Variants in MYT1L observed in about 807,000 individuals in gnomAD.
The protein encoded by MYT1L is myelin transcription factor 1-like protein.
In MYT1L, 12 loss-of-function variants were observed where a neutral mutation model predicts 126.7. The ratio of observed to expected loss-of-function variants is 0.09; its 90% CI spans 0.06 to 0.15. The LOEUF (loss-of-function observed/expected upper bound fraction) is 0.15, where lower values mean the gene tolerates loss of function less well. MYT1L is among the 10% of genes least tolerant of loss of function. MYT1L has a pLI of 1.00. For missense variants in MYT1L, 979 were observed against 1,585.2 expected, an observed-to-expected ratio of 0.62 and a Z score of 6.49; for synonymous variants, 541 against 604.2, an observed-to-expected ratio of 0.90 and a Z score of 1.53.
chr2:2,007,374 G>A (rs1452557225), intron 4 of MYT1L, among the ~76,000 whole-genome samples: 1 of 152,110 alleles, frequency 6.6e-6, no homozygotes, highest in African/African-American at 2.4e-5. Context: ...AAGTATCTGA[G>A]ATGGGTATCA....
chr2:1,894,979 C>A (rs2049393730), intron 14 of MYT1L, among the ~76,000 whole-genome samples: 1 of 152,242 alleles, frequency 6.6e-6, no homozygotes, highest in South Asian at 2.1e-4. Context: ...AGAGCCTCGA[C>A]TGCCATCAAC....
intron 8 of MYT1L, among the ~76,000 whole-genome samples, chr2:1,967,792 G>A (rs1186877168): frequency 6.6e-6 from 1 of 152,148 alleles, no homozygotes; most frequent in African/African-American, 2.4e-5. Flanking sequence ...GAGGCCGCAG[G>A]CCCCGAGCCC....
chr2:2,056,282 G>A (rs1307910055), intron 3 of MYT1L, among the ~76,000 whole-genome samples: 2 of 152,164 alleles, frequency 1.3e-5, no homozygotes, highest in African/African-American at 4.8e-5. Flanking sequence ...CTCTCCAGGC[G>A]TGAGGACACA....
chr2:2,304,841 C>T (rs974100077), intron 1 of MYT1L, among the ~76,000 whole-genome samples: 5 of 152,184 alleles, frequency 3.3e-5, no homozygotes, highest in African/African-American at 1.2e-4. Flanking sequence ...ACTGAAAGAG[C>T]AGGCATGGCA....
At chr2:1,861,997 A>ATCTGCCTGCAGCCTGTGTC (rs1558192114) in intron 18 of MYT1L, among the ~76,000 whole-genome samples, 2 of 151,374 alleles carry the variant, frequency 1.3e-5, no homozygotes, top group Non-Finnish European at 3.0e-5. Context: ...GTAATCCTGG[A>ATCTGCCTGCAGCCTGTGTC]ATTCGCTGAG....
chr2:2,215,410 C>T (rs2093649231), intron 2 of MYT1L, among the ~76,000 whole-genome samples: 1 of 152,062 alleles, frequency 6.6e-6, no homozygotes, highest in South Asian at 2.1e-4. Flanking sequence ...TAATAACAGA[C>T]AAGGAAGCTT....
chr2:2,239,873 CTT>C (rs10540306), intron 2 of MYT1L, among the ~76,000 whole-genome samples: 8,077 of 152,262 alleles, frequency 0.053, 524 homozygotes, highest in East Asian at 0.17. Flanking sequence ...GCTCTTGAGT[CTT>C]CTCTCTGCCC....
chr2:2,198,629 C>T (rs1258940002), intron 2 of MYT1L, among the ~76,000 whole-genome samples: 1 of 151,640 alleles, frequency 6.6e-6, no homozygotes, highest in Non-Finnish European at 1.5e-5. Flanking sequence ...GAGGCCTAGG[C>T]GAGTGGATCA....
At position 2,132,206 on chromosome 2, in the gene MYT1L, C is replaced by T. The variant is rs915532984; in HGVS notation, c.-304+40666G>A. Among the ~76,000 whole-genome samples, 4 of 152,064 alleles carry T rather than the reference C, an allele frequency of 2.6e-5. No homozygotes were observed. In the South Asian group the frequency reaches 6.3e-4, roughly 24 times the overall value. Reference sequence around the variant, plus strand: ...ACAGGCATGAGCCACTGCGCCCAGCCGAGAGTTCATCATTTTGGGCAGAGC... The same window carrying T: ...ACAGGCATGAGCCACTGCGCCCAGCTGAGAGTTCATCATTTTGGGCAGAGC... On this transcript the variant is annotated intron_variant, in intron 3 of 24. Transcript: ENST00000647738.
At chr2:1,928,684 T>C (rs2149152206) in intron 9 of MYT1L, among the ~76,000 whole-genome samples, 1 of 152,278 alleles carries the variant, frequency 6.6e-6, no homozygotes, top group Middle Eastern at 3.4e-3. Context: ...TTTTTCTCCT[T>C]TCAATACTCT....
At chr2:1,961,996 T>C (rs1483719243) in intron 8 of MYT1L, among the ~76,000 whole-genome samples, 1 of 152,248 alleles carries the variant, frequency 6.6e-6, no homozygotes, top group Non-Finnish European at 1.5e-5. Flanking sequence ...TTTAAGGTGA[T>C]GTATATCCCA....
chr2:2,005,398 TGC>T (rs2063157458), intron 4 of MYT1L, among the ~76,000 whole-genome samples: 8 of 149,294 alleles, frequency 5.4e-5, no homozygotes, highest in Non-Finnish European at 1.2e-4. Context: ...CTTTCTTTCC[TGC>T]GTGCGTTCTT....
At chr2:2,303,130 T>C (rs890474942) in intron 1 of MYT1L, among the ~76,000 whole-genome samples, 3 of 152,232 alleles carry the variant, frequency 2.0e-5, no homozygotes, top group Admixed American at 6.5e-5. Context: ...CTCTTTATGT[T>C]TCACAAACAT....
chr2:1,834,097 G>T (rs2040522980), intron 21 of MYT1L, among the ~76,000 whole-genome samples: 1 of 152,258 alleles, frequency 6.6e-6, no homozygotes. Flanking sequence ...TGGCTAGATT[G>T]TCACAGTTTG....
At chr2:2,086,064 G>A (rs563262888) in intron 3 of MYT1L, among the ~76,000 whole-genome samples, 1 of 152,304 alleles carries the variant, frequency 6.6e-6, no homozygotes, top group East Asian at 1.9e-4. Flanking sequence ...AAAAATGAAG[G>A]ACTACATCAC....
At chr2:1,856,955 GAC>G (rs2043995038) in intron 18 of MYT1L, among the ~76,000 whole-genome samples, 4 of 152,160 alleles carry the variant, frequency 2.6e-5, no homozygotes, top group Admixed American at 6.5e-5. Context: ...GCTTTTGTTA[GAC>G]ACACGTGTTG....
intron 3 of MYT1L, among the ~76,000 whole-genome samples, chr2:2,152,180 C>A (rs899654184): frequency 6.6e-6 from 1 of 152,220 alleles, no homozygotes; most frequent in East Asian, 1.9e-4. Flanking sequence ...ACAAGTGCTG[C>A]GACACTGTGA....
chr2:2,046,220 T>C (rs1186368319), intron 4 of MYT1L, among the ~76,000 whole-genome samples: 1 of 152,236 alleles, frequency 6.6e-6, no homozygotes, highest in Non-Finnish European at 1.5e-5. Flanking sequence ...TCCAATGCAC[T>C]GACAAGCATC....
chr2:2,296,269 C>T (rs1573303132), intron 1 of MYT1L, among the ~76,000 whole-genome samples: 1 of 151,636 alleles, frequency 6.6e-6, no homozygotes, highest in East Asian at 2.0e-4. Flanking sequence ...CCTTTTAAAA[C>T]AAGTGGAAGA....
Sources: gnomAD v4.1 joint callset for allele counts (sites outside exome capture counted in the v4.1 genomes callset) on GRCh38, gnomAD v4.1.1 for gene constraint, MANE v1.5 for transcripts, NCBI Gene and HGNC (gene_info 2026-07-23, HGNC 2026-07-21) for gene names.